Variants in CNTNAP4 observed in about 807,000 individuals in gnomAD.
CNTNAP4 encodes contactin-associated protein-like 4.
A neutral mutation model predicts 148.4 loss-of-function variants in CNTNAP4; 98 were observed. The ratio of observed to expected loss-of-function variants is 0.66; its 90% CI spans 0.56 to 0.78. The LOEUF is 0.78. CNTNAP4 is among the 30% of genes least tolerant of loss of function. The probability of loss-of-function intolerance (pLI) is 0.00; values close to 1 mark genes in which losing one functional copy is unlikely to be tolerated. For missense variants in CNTNAP4, 1,935 were observed against 1,565.6 expected (o/e 1.24, Z -3.98); for synonymous variants, 730 against 565.1 (o/e 1.29, Z -4.14).
At chr16:76,513,337 C>G (rs557967842) in intron 15 of CNTNAP4, among the ~76,000 whole-genome samples, 2 of 152,104 alleles carry the variant, frequency 1.3e-5, no homozygotes, top group East Asian at 1.9e-4. Context: ...TGAAGTAATC[C>G]TCTAAGAGCA....
intron 17 of CNTNAP4, among the ~76,000 whole-genome samples, chr16:76,522,704 T>TC (rs879316079): frequency 0.17 from 4,614 of 27,830 alleles, 774 homozygotes; most frequent in Non-Finnish European, 0.18. Flanking sequence ...TTCTTTTCTT[T>TC]TCTTTTCTTT....
chr16:76,505,077 C>T (rs139125930), intron 15 of CNTNAP4, among the ~76,000 whole-genome samples: 55 of 152,200 alleles, frequency 3.6e-4, no homozygotes, highest in African/African-American at 1.2e-3. Flanking sequence ...ATGTTAAACC[C>T]ACATTTACCA....
chr16:76,397,138 C>A (rs151256801), intron 3 of CNTNAP4, among the ~76,000 whole-genome samples: 1 of 151,898 alleles, frequency 6.6e-6, no homozygotes, highest in Admixed American at 6.6e-5. Flanking sequence ...GAACAACAAA[C>A]CTTTCACGGA....
chr16:76,321,362 T>G (rs1056387889), intron 2 of CNTNAP4, among the ~76,000 whole-genome samples: 32 of 152,242 alleles, frequency 2.1e-4, no homozygotes, highest in African/African-American at 7.5e-4. Context: ...ACAACTATTA[T>G]GCTTCATTAA....
At chr16:76,385,547 A>AGTGTGTGTGTGTGTGT (rs3035895) in intron 3 of CNTNAP4, among the ~76,000 whole-genome samples, 2 of 148,892 alleles carry the variant, frequency 1.3e-5, no homozygotes, top group Non-Finnish European at 3.0e-5. Flanking sequence ...TTTAATTAGA[A>AGTGTGTGTGTGTGTGT]GTGTGTGTGT....
At chr16:76,383,059 A>G (rs555267842) in intron 3 of CNTNAP4, among the ~76,000 whole-genome samples, 1 of 152,202 alleles carries the variant, frequency 6.6e-6, no homozygotes, top group East Asian at 1.9e-4. Context: ...CAGAGAATCA[A>G]CTCATTAGTC....
intron 14 of CNTNAP4, among the ~76,000 whole-genome samples, chr16:76,495,506 A>G (rs2082372732): frequency 6.6e-6 from 1 of 152,114 alleles, no homozygotes; most frequent in African/African-American, 2.4e-5. Flanking sequence ...AAGACAAATC[A>G]TACCACAAAG....
chr16:76,358,588 A>G (rs2013006616), intron 3 of CNTNAP4, among the ~76,000 whole-genome samples: 1 of 152,200 alleles, frequency 6.6e-6, no homozygotes, highest in Admixed American at 6.5e-5. Context: ...AAAGGTGTGA[A>G]AAAAGCATGG....
intron 15 of CNTNAP4, among the ~76,000 whole-genome samples, chr16:76,510,266 A>G (rs1423809145): frequency 1.3e-5 from 2 of 152,066 alleles, no homozygotes; most frequent in Non-Finnish European, 2.9e-5. Context: ...CTTGTGACTG[A>G]CTACTTTTAC....
At position 76,498,693 on chromosome 16, in the gene CNTNAP4, C is replaced by G. The variant is rs776716658; in HGVS notation, c.2364C>G (p.Asp788Glu). The change falls in exon 15 of 24, where the codon GAC (aspartate) becomes GAG (glutamate). Residue 788 changes from aspartate (D) to glutamate (E), a missense_variant and splice_region_variant. Asp to Glu is a conservative substitution (Grantham distance 45). Coordinates refer to ENST00000611870, the MANE Select transcript of CNTNAP4 (RefSeq NM_033401.5). ...YKLGPLLCQG[D>E]RSFWNSASFD... ...TGGGGCCTCTGCTCTGCCAGGGAGA[C>G]AGTAAGTGGTTACAATGTGTTGAAA... 2 of 1,600,878 alleles carry G rather than the reference C, an allele frequency of 1.2e-6. No homozygotes were observed. Among genetic ancestry groups the G allele is most frequent in the Non-Finnish European group, 1.7e-6 (2 of 1,175,038 alleles).
chr16:76,296,944 C>T (rs1174074090), intron 1 of CNTNAP4, among the ~76,000 whole-genome samples: 2 of 152,110 alleles, frequency 1.3e-5, no homozygotes, highest in African/African-American at 2.4e-5. Flanking sequence ...AGTTGCTCTC[C>T]GTTGGCAACT....
chr16:76,410,133 C>G (rs1381432513), intron 3 of CNTNAP4, among the ~76,000 whole-genome samples: 1 of 151,576 alleles, frequency 6.6e-6, no homozygotes, highest in African/African-American at 2.4e-5. Flanking sequence ...ATACTAAGGT[C>G]TCCAGTACAA....
At chr16:76,463,036 C>CAAAAAAACT (rs1464531666) in intron 9 of CNTNAP4, among the ~76,000 whole-genome samples, 4 of 152,000 alleles carry the variant, frequency 2.6e-5, no homozygotes, top group Admixed American at 2.0e-4. Flanking sequence ...AACAAACAAA[C>CAAAAAAACT]AAAAAAACTG....
At chr16:76,414,258 A>G (rs2078901593) in intron 3 of CNTNAP4, among the ~76,000 whole-genome samples, 1 of 151,368 alleles carries the variant, frequency 6.6e-6, no homozygotes, top group African/African-American at 2.4e-5. Flanking sequence ...TGAATATTAC[A>G]TTTTATGAAA....
At chr16:76,558,235 C>A in intron 23 of CNTNAP4, 2 of 350,916 alleles carry the variant, frequency 5.7e-6, no homozygotes, top group South Asian at 1.4e-4. Context: ...AATATAAATG[C>A]ACCAAGTAAA....
intron 5 of CNTNAP4, 79 bp downstream of exon 5, chr16:76,448,294 CT>C (rs2143162888): frequency 2.0e-6 from 2 of 987,944 alleles, no homozygotes; most frequent in African/African-American, 3.2e-5. Flanking sequence ...TATAGCTTAT[CT>C]TTTAGCAGTC....
intron 11 of CNTNAP4, among the ~76,000 whole-genome samples, chr16:76,476,748 GCTTCACTCTCATGGCCTAATCA>G (rs1338454836): frequency 1.3e-5 from 2 of 152,100 alleles, no homozygotes; most frequent in East Asian, 1.9e-4. Flanking sequence ...ACTCATGAGG[GCTTCACTCTCATGGCCTAATCA>G]CTTCACTAAG....
intron 2 of CNTNAP4, among the ~76,000 whole-genome samples, chr16:76,334,652 A>G (rs918077199): frequency 1.3e-5 from 2 of 152,196 alleles, no homozygotes; most frequent in African/African-American, 4.8e-5. Context: ...TAGCAAAAAC[A>G]CATCTCATTA....
intron 19 of CNTNAP4, among the ~76,000 whole-genome samples, chr16:76,539,442 G>A (rs976734841): frequency 2.6e-5 from 4 of 151,992 alleles, no homozygotes; most frequent in Non-Finnish European, 4.4e-5. Context: ...TAAGTGAGAG[G>A]CAAGTGCAGA....
Sources: gnomAD v4.1 joint callset for allele counts (sites outside exome capture counted in the v4.1 genomes callset) on GRCh38, gnomAD v4.1.1 for gene constraint, MANE v1.5 for transcripts, NCBI Gene and HGNC (gene_info 2026-07-23, HGNC 2026-07-21) for gene names.